ERBB4: variants seen among roughly 807,000 people sequenced by gnomAD.
ERBB4 encodes erb-b2 receptor tyrosine kinase 4.
Under a neutral mutation model 158.0 loss-of-function variants are expected in ERBB4, and 42 were observed. The ratio of observed to expected loss-of-function variants is 0.27; its 90% CI spans 0.21 to 0.34. ERBB4 has a LOEUF of 0.34. Among genes scored for constraint, ERBB4 ranks in the 10% least tolerant of loss-of-function variants. The probability of loss-of-function intolerance (pLI) is 1.00; values close to 1 mark genes in which losing one functional copy is unlikely to be tolerated. For synonymous variants in ERBB4, 583 were observed against 558.7 expected, an observed-to-expected ratio of 1.04 and a Z score of -0.61; for missense variants, 1,333 against 1,624.1, an observed-to-expected ratio of 0.82 and a Z score of 3.08.
At chr2:211,451,797 A>G (rs1350942096) in intron 20 of ERBB4, among the ~76,000 whole-genome samples, 1 of 152,176 alleles carries the variant, frequency 6.6e-6, no homozygotes, top group Non-Finnish European at 1.5e-5. Flanking sequence ...AAGGCTGTAT[A>G]AAAGGATCCT....
At chr2:211,453,304 T>C (rs1442843425) in intron 20 of ERBB4, among the ~76,000 whole-genome samples, 1 of 152,172 alleles carries the variant, frequency 6.6e-6, no homozygotes, top group African/African-American at 2.4e-5. Flanking sequence ...TTTAAAAGTA[T>C]AATAAAAATA....
chr2:212,273,256 C>T (rs1171782282), intron 1 of ERBB4, among the ~76,000 whole-genome samples: 3 of 151,802 alleles, frequency 2.0e-5, no homozygotes, highest in Non-Finnish European at 2.9e-5. Context: ...AGTATTCAAA[C>T]TGTGTTTTTT....
At chr2:211,807,049 A>C (rs187557792) in intron 3 of ERBB4, among the ~76,000 whole-genome samples, 4 of 151,856 alleles carry the variant, frequency 2.6e-5, no homozygotes, top group Admixed American at 2.6e-4. Flanking sequence ...TAAATCAAGA[A>C]ATAATTAATT....
intron 1 of ERBB4, among the ~76,000 whole-genome samples, chr2:212,400,852 G>A (rs1265791210): frequency 1.3e-5 from 2 of 151,942 alleles, no homozygotes; most frequent in East Asian, 3.9e-4. Flanking sequence ...TGGCTACTTG[G>A]GTCTGGGGCA....
intron 1 of ERBB4, among the ~76,000 whole-genome samples, chr2:212,208,585 G>A (rs1278700137): frequency 2.0e-5 from 3 of 152,112 alleles, no homozygotes; most frequent in Non-Finnish European, 4.4e-5. Flanking sequence ...GTCTTGAAAT[G>A]CAACATAATA....
At chr2:211,931,706 G>A (rs1229504983) in intron 3 of ERBB4, among the ~76,000 whole-genome samples, 1 of 151,968 alleles carries the variant, frequency 6.6e-6, no homozygotes, top group African/African-American at 2.4e-5. Context: ...AGGTATAAGT[G>A]GAATGAGAAT....
chr2:211,614,767 TA>T (rs2069323057), intron 19 of ERBB4, among the ~76,000 whole-genome samples: 2 of 152,176 alleles, frequency 1.3e-5, no homozygotes, highest in Admixed American at 6.6e-5. Flanking sequence ...TAATATCAAT[TA>T]GATTTAAAAT....
intron 3 of ERBB4, among the ~76,000 whole-genome samples, chr2:211,901,096 A>T (rs1481232214): frequency 6.6e-6 from 1 of 152,110 alleles, no homozygotes; most frequent in Non-Finnish European, 1.5e-5. Context: ...TTTCATTTGG[A>T]CATGTAAATA....
At chr2:212,360,510 G>A (rs890522129) in intron 1 of ERBB4, among the ~76,000 whole-genome samples, 3 of 151,330 alleles carry the variant, frequency 2.0e-5, no homozygotes, top group Admixed American at 6.6e-5. Context: ...TTTTTTCCTC[G>A]GGACTCTTGT....
At chr2:212,403,315 A>G (rs1473767561) in intron 1 of ERBB4, among the ~76,000 whole-genome samples, 1 of 152,036 alleles carries the variant, frequency 6.6e-6, no homozygotes, top group Non-Finnish European at 1.5e-5. Flanking sequence ...TTAAAAGCAA[A>G]TGCAGCTACT....
At chr2:212,529,112 T>A (rs1692606710) in intron 1 of ERBB4, among the ~76,000 whole-genome samples, 1 of 152,270 alleles carries the variant, frequency 6.6e-6, no homozygotes, top group African/African-American at 2.4e-5. Context: ...TATTCTTCTT[T>A]AAAGAAAGAA....
At chr2:212,391,601 GCAATGTGAATATTATATGT>G in intron 1 of ERBB4, among the ~76,000 whole-genome samples, 1 of 145,590 alleles carries the variant, frequency 6.9e-6, no homozygotes, top group Non-Finnish European at 1.5e-5. Flanking sequence ...CTCCTGTACA[GCAATGTGAATATTATATGT>G]CAATATATTA....
intron 25 of ERBB4, among the ~76,000 whole-genome samples, chr2:211,419,104 T>G (rs2063458109): frequency 6.6e-6 from 1 of 152,046 alleles, no homozygotes; most frequent in Admixed American, 6.6e-5. Context: ...CAGACTCTAA[T>G]CACATCATGG....
chr2:212,494,465 C>G (rs1560476924), intron 1 of ERBB4, among the ~76,000 whole-genome samples: 1 of 151,758 alleles, frequency 6.6e-6, no homozygotes, highest in Non-Finnish European at 1.5e-5. Context: ...AAAAAATGAC[C>G]TCAGTTAGAA....
intron 1 of ERBB4, among the ~76,000 whole-genome samples, chr2:212,479,742 G>A (rs932239506): frequency 2.0e-5 from 3 of 152,094 alleles, no homozygotes; most frequent in African/African-American, 4.8e-5. Context: ...GATAGAAAAT[G>A]CATTTAAAAT....
chr2:212,232,513 A>C (rs2083704281), intron 1 of ERBB4, among the ~76,000 whole-genome samples: 1 of 152,094 alleles, frequency 6.6e-6, no homozygotes, highest in East Asian at 1.9e-4. Context: ...TGTTCAAGCG[A>C]TTTTCCTGCC....
rs769715873 is a variant in ERBB4 at position 211,838,595 on chromosome 2, T to C, written c.422-50436A>G. On this transcript the variant is annotated intron_variant, in intron 3 of 27. Transcript: ENST00000342788. ...AAAACAAATACAATTCATATCCTTA[T>C]TGCAGTTTCAGGCATTTTCTGCTTA... Among the ~76,000 whole-genome samples the C allele has an allele frequency of 1.3e-5, 2 of 152,130 alleles. 1 individual carries two copies. The highest frequency in any genetic ancestry group is 4.1e-4 in the South Asian group (2 of 4,832).
intron 27 of ERBB4, among the ~76,000 whole-genome samples, chr2:211,386,160 T>G (rs1415465658): frequency 6.6e-6 from 1 of 152,178 alleles, no homozygotes; most frequent in Non-Finnish European, 1.5e-5. Flanking sequence ...ACTGTTAGCA[T>G]AGAAGAAGAA....
chr2:211,611,031 C>A (rs1035377641), intron 19 of ERBB4, among the ~76,000 whole-genome samples: 6 of 152,062 alleles, frequency 3.9e-5, no homozygotes, highest in Admixed American at 3.9e-4. Context: ...GTATTTAAAG[C>A]TCAAATTTTA....
Sources: allele counts gnomAD v4.1 joint callset (sites outside exome capture counted in the v4.1 genomes callset), GRCh38; gene constraint gnomAD v4.1.1; transcripts MANE v1.5; gene names NCBI Gene and HGNC (gene_info 2026-07-23, HGNC 2026-07-21).